Variants in RYR2 observed in about 807,000 individuals in gnomAD.
RYR2 encodes the protein cardiac muscle ryanodine receptor-calcium release channel.
A neutral mutation model predicts 601.1 loss-of-function variants in RYR2; 227 were observed. That is an observed-to-expected ratio of 0.38 (90% CI 0.34 to 0.42). The LOEUF (loss-of-function observed/expected upper bound fraction) is 0.42. RYR2 is among the 10% of genes least tolerant of loss of function. The pLI is 1.00. For missense variants in RYR2, 4,646 were observed against 6,156.5 expected, an observed-to-expected ratio of 0.75 and a Z score of 8.21; for synonymous variants, 2,223 against 2,175.1, an observed-to-expected ratio of 1.02 and a Z score of -0.61.
At chr1:237,718,238 T>TCAATGTCCTCC (rs1197264036) in intron 72 of RYR2, among the ~76,000 whole-genome samples, 1 of 152,242 alleles carries the variant, frequency 6.6e-6, no homozygotes, top group East Asian at 1.9e-4. Context: ...CCATTGAATT[T>TCAATGTCCTCC]CAATGTCCTT....
At chr1:237,465,530 G>A (rs540166245) in intron 16 of RYR2, among the ~76,000 whole-genome samples, 13 of 152,198 alleles carry the variant, frequency 8.5e-5, no homozygotes, top group African/African-American at 3.1e-4. Context: ...CAGTTCTAAG[G>A]AATACATCTT....
intron 1 of RYR2, among the ~76,000 whole-genome samples, chr1:237,085,677 G>GC (rs1433831666): frequency 1.3e-5 from 2 of 152,188 alleles, no homozygotes; most frequent in Non-Finnish European, 2.9e-5. Flanking sequence ...AGTTGGAGGG[G>GC]CCTGGAATCC....
intron 27 of RYR2, among the ~76,000 whole-genome samples, chr1:237,558,846 C>A (rs1244976913): frequency 7.2e-5 from 11 of 152,104 alleles, no homozygotes; most frequent in Admixed American, 7.2e-4. Flanking sequence ...TCTTCAAGTT[C>A]ATTGATTCTT....
chr1:237,540,935 G>GCACA (rs1018006183), intron 25 of RYR2, among the ~76,000 whole-genome samples: 1 of 149,282 alleles, frequency 6.7e-6, no homozygotes, highest in African/African-American at 2.5e-5. Flanking sequence ...ATATATGTAT[G>GCACA]CACACACACA....
chr1:237,529,270 A>T (rs1046071425), intron 24 of RYR2, among the ~76,000 whole-genome samples: 8 of 152,092 alleles, frequency 5.3e-5, no homozygotes, highest in Middle Eastern at 3.2e-3. Flanking sequence ...CTTATTTTGT[A>T]CCTTCAATCA....
chr1:237,496,133 G>A (rs569634067), intron 19 of RYR2, among the ~76,000 whole-genome samples: 4 of 152,270 alleles, frequency 2.6e-5, no homozygotes, highest in African/African-American at 9.6e-5. Context: ...GGCTGGGCAC[G>A]GTGGCTCATG....
intron 88 of RYR2, among the ~76,000 whole-genome samples, chr1:237,780,773 C>T (rs182104997): frequency 3.9e-4 from 59 of 151,960 alleles, no homozygotes; most frequent in African/African-American, 1.4e-3. Context: ...TAGGTAATAC[C>T]TGTGTAGGTT....
chr1:237,614,570 T>C lies in RYR2; in HGVS notation c.5442T>C (p.Thr1814=), dbSNP rs909070310. ...LHARDPVGGT[T]EFLFVPLIKL... is the part of the protein sequence containing the mutation. ...CCCGGGACCCAGTTGGAGGGACTACTGAATTCCTCTTTGTACCTCTCATCA... is the reference window on the plus strand; with the variant it reads ...CCCGGGACCCAGTTGGAGGGACTACCGAATTCCTCTTTGTACCTCTCATCA... The change falls in exon 37 of 105, where the codon ACT becomes ACC. Residue 1814 remains threonine, a synonymous_variant. Coordinates refer to ENST00000366574, the MANE Select transcript of RYR2 (RefSeq NM_001035.3). This position sits in a 1 kb window ranked among gnomAD's most constrained non-coding sequence, Gnocchi z 4.3. 3 of 1,614,080 alleles carry C rather than the reference T, an allele frequency of 1.9e-6. No homozygotes were observed. The East Asian group carries it at 6.7e-5, about 36-fold the overall frequency.
intron 19 of RYR2, among the ~76,000 whole-genome samples, chr1:237,493,399 T>C (rs1322100722): frequency 1.3e-5 from 2 of 152,214 alleles, no homozygotes; most frequent in African/African-American, 4.8e-5. Context: ...TGTATATAAT[T>C]GTACTTTACA....
Position 237,610,665 on chromosome 1 carries a change from T to G in RYR2, c.4684-97T>G. On this transcript the variant is annotated intron_variant, in intron 35 of 104. Transcript: ENST00000366574. This position sits in a 1 kb window ranked among gnomAD's most constrained non-coding sequence, Gnocchi z 4.9. ...TGCTTGACTCATAGGGTTATCTTAC[T>G]TTCCCTGTCTCTGTCCTGTGCAGAA... 1 of 993,246 alleles carries G rather than the reference T, an allele frequency of 1.0e-6. No individual in the cohort carries two copies. The highest frequency in any genetic ancestry group is 2.6e-5 in the East Asian group (1 of 37,920). 61.5% of individuals were successfully genotyped at this position (993,246 alleles called of 1,614,324 possible). A position where few individuals can be genotyped will look rare whatever the true frequency, so the allele number is the denominator to read the frequency against.
intron 16 of RYR2, among the ~76,000 whole-genome samples, chr1:237,468,087 T>C (rs1426945929): frequency 6.6e-6 from 1 of 152,072 alleles, no homozygotes; most frequent in Non-Finnish European, 1.5e-5. Context: ...CTTAAATTCC[T>C]GACCTCATGA....
intron 1 of RYR2, among the ~76,000 whole-genome samples, chr1:237,067,558 T>C (rs1194442343): frequency 6.6e-6 from 1 of 152,300 alleles, no homozygotes; most frequent in African/African-American, 2.4e-5. Flanking sequence ...AGGTAGCGTG[T>C]TTTCTCTCAT....
At chr1:237,602,144 A>G (rs769296171) in intron 35 of RYR2, 33 bp downstream of exon 35, 114 of 1,516,260 alleles carry the variant, frequency 7.5e-5, no homozygotes, top group Middle Eastern at 3.5e-4. Context: ...TTGTATTTGT[A>G]TTTTTTCTAT....
chr1:237,194,405 A>C (rs1024130669), intron 1 of RYR2, among the ~76,000 whole-genome samples: 1 of 152,232 alleles, frequency 6.6e-6, no homozygotes, highest in African/African-American at 2.4e-5. Flanking sequence ...CAAGGAGCTC[A>C]TAGTGCAGCC....
chr1:237,143,244 A>G lies in RYR2; in HGVS notation c.48+100675A>G, dbSNP rs139082153. Among the ~76,000 whole-genome samples, 246 of 152,242 alleles carry G rather than the reference A, an allele frequency of 1.6e-3. 2 individuals are homozygous for G. Among genetic ancestry groups the G allele is most frequent in the African/African-American group, 5.5e-3 (227 of 41,546 alleles). On this transcript the variant is annotated intron_variant, in intron 1 of 104. Coordinates refer to ENST00000366574, the MANE Select transcript of RYR2 (RefSeq NM_001035.3). ...CCTTGAAAACTCTCTGAGAATTCCC[A>G]TTGCATTTAGGCTGAAACCCAAACT...
At chr1:237,242,767 T>C (rs929692886) in intron 1 of RYR2, among the ~76,000 whole-genome samples, 1 of 152,190 alleles carries the variant, frequency 6.6e-6, no homozygotes, top group Non-Finnish European at 1.5e-5. Context: ...GCTCTGTGAA[T>C]TGGAATTTGA....
At chr1:237,645,367 C>T (rs777650694) in intron 48 of RYR2, among the ~76,000 whole-genome samples, 9 of 152,226 alleles carry the variant, frequency 5.9e-5, no homozygotes, top group Non-Finnish European at 1.2e-4. Flanking sequence ...TCTCCTTGTG[C>T]ATCTGTAGCT....
Position 237,756,273 on chromosome 1 carries a change from G to T in RYR2, c.11146-15G>T, listed in dbSNP as rs1692945934. Reference sequence around the variant, plus strand: ...ACTGATACCCTCAACATAAATGGTTGGGATTTGTGTTCAGGAAAAAGAAAT... The same window carrying T: ...ACTGATACCCTCAACATAAATGGTTTGGATTTGTGTTCAGGAAAAAGAAAT... On this transcript the variant is annotated splice_polypyrimidine_tract_variant and intron_variant, in intron 80 of 104. Transcript: ENST00000366574. The T allele has an allele frequency of 1.3e-6, 2 of 1,567,058 alleles. No homozygotes were observed. Among genetic ancestry groups the T allele is most frequent in the African/African-American group, 1.4e-5 (1 of 74,064 alleles).
chr1:237,400,702 C>T (rs1703274699), intron 10 of RYR2, among the ~76,000 whole-genome samples: 2 of 151,798 alleles, frequency 1.3e-5, no homozygotes, highest in Non-Finnish European at 2.9e-5. Context: ...ACCAACCTCC[C>T]CACTCCCACT....
Sources: gnomAD v4.1 joint callset for allele counts (sites outside exome capture counted in the v4.1 genomes callset) on GRCh38, gnomAD v4.1.1 for gene constraint, Gnocchi (gnomAD v3.1) non-coding constraint, MANE v1.5 for transcripts, NCBI Gene and HGNC (gene_info 2026-07-23, HGNC 2026-07-21) for gene names.